The following MRPS5 variants were observed in gnomAD, a reference collection of about 807,000 sequenced individuals.
MRPS5 encodes small ribosomal subunit protein uS5m.
MRPS5 carries 27 observed loss-of-function variants against 51.9 expected under a neutral mutation model. The observed-to-expected ratio is 0.52, with a 90% CI of 0.38 to 0.72. MRPS5 has a LOEUF of 0.72. MRPS5 is among the 30% of genes least tolerant of loss of function. MRPS5 has a pLI of 0.00. For missense variants in MRPS5, 570 were observed against 545.7 expected, an observed-to-expected ratio of 1.04 and a Z score of -0.44; for synonymous variants, 196 against 193.2, an observed-to-expected ratio of 1.01 and a Z score of -0.12.
intron 3 of MRPS5, 141 bp downstream of exon 3, chr2:95,114,925 A>C (rs1257003891): frequency 2.6e-6 from 2 of 769,068 alleles, no homozygotes; most frequent in African/African-American, 1.8e-5. Context: ...TAGGATGTAC[A>C]TCAAGGAACA....
In MRPS5 at chr2:95,086,901, T is replaced by G. The variant is rs907324855; in HGVS notation, c.*456A>C. 6.6e-6 allele frequency among the ~76,000 whole-genome samples: 1 copy of G among 152,192 alleles called. No homozygotes were observed. Among genetic ancestry groups the G allele is most frequent in the Non-Finnish European group, 1.5e-5 (1 of 68,042 alleles). On this transcript the variant is annotated 3_prime_UTR_variant, in exon 12 of 12. Coordinates refer to ENST00000272418, the MANE Select transcript of MRPS5 (RefSeq NM_031902.5). ...ATATACCATTTAACATTCCCAATAG[T>G]AGCCTACAACTTCCATTTCCACTGT...
At chr2:95,100,676 C>A in intron 9 of MRPS5, 140 bp from the exon 10 acceptor site, 2 of 880,182 alleles carry the variant, frequency 2.3e-6, no homozygotes, top group Non-Finnish European at 1.7e-6. Flanking sequence ...TGATTTCATT[C>A]ATTTTAGTAA....
rs1676328039 is a variant in MRPS5 at position 95,117,816 on chromosome 2, T to C, written c.139+49A>G. 2.8e-6 allele frequency: 4 copies of C among 1,434,526 alleles called. No homozygotes were observed. In the Admixed American group the frequency reaches 9.0e-5, roughly 32 times the overall value. The allele number at this position is 1,434,526 out of a possible 1,614,324, so 88.9% of individuals were successfully genotyped here. A position where few individuals can be genotyped will look rare whatever the true frequency, so the allele number is the denominator to read the frequency against. On this transcript the variant is annotated intron_variant, in intron 2 of 11. Transcript: ENST00000272418. ...TATTTTTTAAAACTACAGAAACTACTTTGACATTAGATCTTATGAGAAAAG... is the reference window on the plus strand; with the variant it reads ...TATTTTTTAAAACTACAGAAACTACCTTGACATTAGATCTTATGAGAAAAG...
intron 10 of MRPS5, among the ~76,000 whole-genome samples, chr2:95,099,621 A>T (rs1675739080): frequency 6.6e-6 from 1 of 152,208 alleles, no homozygotes; most frequent in South Asian, 2.1e-4. Context: ...GACAGCACAG[A>T]TCTAAACCTT....
At chr2:95,095,919 G>C (rs1385024697) in intron 10 of MRPS5, among the ~76,000 whole-genome samples, 3 of 152,162 alleles carry the variant, frequency 2.0e-5, no homozygotes, top group African/African-American at 7.2e-5. Context: ...GAATCCAGCA[G>C]CTCATTTTTT....
chr2:95,107,355 C>A (rs937099175), intron 5 of MRPS5, among the ~76,000 whole-genome samples: 1 of 152,120 alleles, frequency 6.6e-6, no homozygotes, highest in Non-Finnish European at 1.5e-5. Flanking sequence ...TCACACAACA[C>A]CCCCACCTAC....
At chr2:95,114,092 C>A (rs1442652662) in intron 3 of MRPS5, among the ~76,000 whole-genome samples, 2 of 134,290 alleles carry the variant, frequency 1.5e-5, no homozygotes, top group African/African-American at 2.8e-5. Flanking sequence ...TGTACTCCGG[C>A]CTGGTGACAA....
rs374323280 is a variant in MRPS5, at chr2:95,109,937, T to G, written c.382A>C (p.Arg128=). 2 of 1,613,296 alleles carry G rather than the reference T, an allele frequency of 1.2e-6. No individual in the cohort carries two copies. The highest frequency in any genetic ancestry group is 1.7e-6 in the Non-Finnish European group (2 of 1,179,944). The change falls in exon 4 of 12, where the codon AGG becomes CGG. Residue 128 remains arginine (R), a synonymous_variant. Transcript: ENST00000272418. ...TTACCTTCACCAATGATCTGACCCCTGTTCAGATCCTTTCTTTTCTTCTTT... is the reference window on the plus strand; with the variant it reads ...TTACCTTCACCAATGATCTGACCCCGGTTCAGATCCTTTCTTTTCTTCTTT... ...TKKKKRKDLN[R]GQIIGEGRYG...
chr2:95,099,718 G>A lies in MRPS5; in HGVS notation c.931+756C>T, dbSNP rs191094733. On this transcript the variant is annotated intron_variant, in intron 10 of 11. Coordinates refer to ENST00000272418, the MANE Select transcript of MRPS5 (RefSeq NM_031902.5). ...ATTAATTATGGCTTTAAAGCAGAAGGCAAGTTCTAGTGCATTAACACAACT... is the reference window on the plus strand; with the variant it reads ...ATTAATTATGGCTTTAAAGCAGAAGACAAGTTCTAGTGCATTAACACAACT... Among the ~76,000 whole-genome samples the A allele has an allele frequency of 2.3e-3, 343 of 152,258 alleles. 2 individuals are homozygous for A. The highest frequency in any genetic ancestry group is 7.8e-3 in the African/African-American group (323 of 41,552).
intron 3 of MRPS5, among the ~76,000 whole-genome samples, chr2:95,114,230 T>C (rs1220633563): frequency 6.6e-6 from 1 of 151,150 alleles, no homozygotes; most frequent in Admixed American, 6.6e-5. Context: ...TCTAAACTAA[T>C]CATGAATTGC....
At position 95,106,393 on chromosome 2, in the gene MRPS5, T is replaced by C. The variant is rs74517367; in HGVS notation, c.672+30A>G. ...CACCCACCCCAACCTCTCCAAAGGC[T>C]TAACCAGGTATTTAATTCTGCATGC... is the stretch of plus-strand genomic sequence containing the variant. On this transcript the variant is annotated intron_variant, in intron 6 of 11. Coordinates refer to ENST00000272418, the MANE Select transcript of MRPS5 (RefSeq NM_031902.5). The C allele has an allele frequency of 2.9e-3, 2,717 of 925,656 alleles. 73 individuals carry two copies. In the East Asian group the frequency reaches 0.082, roughly 28 times the overall value. 57.3% of individuals were successfully genotyped at this position (925,656 alleles called of 1,614,324 possible). A position where few individuals can be genotyped will look rare whatever the true frequency, so the allele number is the denominator to read the frequency against.
chr2:95,112,847 A>T (rs1362596984), intron 3 of MRPS5, among the ~76,000 whole-genome samples: 1 of 151,870 alleles, frequency 6.6e-6, no homozygotes, highest in Non-Finnish European at 1.5e-5. Context: ...TACTAAAAAT[A>T]CAAAAAAATT....
intron 4 of MRPS5, 138 bp from the exon 5 acceptor site, chr2:95,108,546 T>G: frequency 1.4e-6 from 1 of 717,956 alleles, no homozygotes; most frequent in South Asian, 2.0e-5. Flanking sequence ...ACTTGGTAGG[T>G]CACTTGGCAC....
In MRPS5 at chr2:95,096,837, A is replaced by T. The variant is rs370541131; in HGVS notation, c.931+3637T>A. Among the ~76,000 whole-genome samples the T allele has an allele frequency of 6.6e-5, 10 of 152,228 alleles. No individual in the cohort carries two copies. In the East Asian group the frequency reaches 1.7e-3, roughly 26 times the overall value. ...CAACATACTGTTGGAAGTTCTGGCC[A>T]GGGCAACCACGCAAGAGAAAGAAAT... On this transcript the variant is annotated intron_variant, in intron 10 of 11. Transcript: ENST00000272418.
At chr2:95,089,107 CAAGTCTACTGGATCATA>C in intron 11 of MRPS5, among the ~76,000 whole-genome samples, 1 of 152,150 alleles carries the variant, frequency 6.6e-6, no homozygotes. Context: ...AAAAACAGAA[CAAGTCTACTGGATCATA>C]AATACAACCT....
intron 7 of MRPS5, among the ~76,000 whole-genome samples, chr2:95,102,385 C>T (rs188697213): frequency 1.2e-4 from 18 of 152,210 alleles, no homozygotes; most frequent in African/African-American, 4.3e-4. Context: ...AGAAAGGGGC[C>T]AGGTGCAGTG....
chr2:95,090,133 C>G (rs373949510), intron 11 of MRPS5, among the ~76,000 whole-genome samples: 2 of 147,242 alleles, frequency 1.4e-5, no homozygotes, highest in Non-Finnish European at 3.0e-5. Context: ...GCCGGGATCC[C>G]GCCACTGCAC....
At chr2:95,111,529 ATAGT>A (rs1296079769) in intron 3 of MRPS5, among the ~76,000 whole-genome samples, 2 of 152,212 alleles carry the variant, frequency 1.3e-5, no homozygotes, top group Non-Finnish European at 1.5e-5. Flanking sequence ...TTATATATAT[ATAGT>A]AAGAGGAAAA....
intron 10 of MRPS5, among the ~76,000 whole-genome samples, chr2:95,097,772 C>T (rs943924515): frequency 6.6e-5 from 10 of 152,194 alleles, no homozygotes; most frequent in African/African-American, 9.7e-5. Flanking sequence ...CAATACCATT[C>T]AGGTCATAGG....
Sources: allele counts gnomAD v4.1 joint callset (sites outside exome capture counted in the v4.1 genomes callset), GRCh38; gene constraint gnomAD v4.1.1; transcripts MANE v1.5; gene names NCBI Gene and HGNC (gene_info 2026-07-23, HGNC 2026-07-21).